THSD4: variants seen among roughly 807,000 people sequenced by gnomAD.
The protein encoded by THSD4 is thrombospondin type-1 domain-containing protein 4.
A neutral mutation model predicts 119.0 loss-of-function variants in THSD4; 69 were observed. That is an observed-to-expected ratio of 0.58 (90% CI 0.48 to 0.71). The LOEUF is 0.71. Ranked by LOEUF, THSD4 falls within the 30% of genes least tolerant of loss-of-function variation. The pLI is 0.00. For missense variants in THSD4, 1,393 were observed against 1,391.1 expected, an observed-to-expected ratio of 1.00 and a Z score of -0.02; for synonymous variants, 524 against 540.4, an observed-to-expected ratio of 0.97 and a Z score of 0.42.
At position 71,687,883 on chromosome 15, in the gene THSD4, CTGTT is replaced by C. The variant is rs908438170; in HGVS notation, c.1357+27154_1357+27157del. On this transcript the variant is annotated intron_variant, in intron 8 of 17. Coordinates refer to ENST00000261862, the MANE Select transcript of THSD4 (RefSeq NM_024817.3). ...AAAGTATGCCAATATGCAAATTAAC[CTGTT>C]TGTTCATTTTTTCTCATTTATTCAT... Among the ~76,000 whole-genome samples the C allele has an allele frequency of 7.2e-5, 11 of 152,162 alleles. No homozygotes were observed. In the East Asian group the frequency reaches 7.7e-4, roughly 11 times the overall value.
chr15:71,444,875 CTAAAATA>C (rs1176082184), intron 7 of THSD4, among the ~76,000 whole-genome samples: 4 of 152,164 alleles, frequency 2.6e-5, no homozygotes, highest in Admixed American at 1.3e-4. Context: ...CAGAGGGATT[CTAAAATA>C]TAAATTATTC....
At chr15:71,316,728 G>A (rs1407814116) in intron 6 of THSD4, among the ~76,000 whole-genome samples, 2 of 152,216 alleles carry the variant, frequency 1.3e-5, no homozygotes, top group Admixed American at 6.5e-5. Context: ...GAAAGGCTGG[G>A]CCCCCAACAA....
At chr15:71,584,601 C>CT (rs1279315072) in intron 7 of THSD4, among the ~76,000 whole-genome samples, 1 of 152,050 alleles carries the variant, frequency 6.6e-6, no homozygotes, top group African/African-American at 2.4e-5. Context: ...AGTGTTTATC[C>CT]TTAAAGCTAA....
chr15:71,626,825 C>T (rs150424833), intron 7 of THSD4, among the ~76,000 whole-genome samples: 155 of 152,278 alleles, frequency 1.0e-3, no homozygotes, highest in African/African-American at 1.3e-3. Context: ...CTGTTCTTAT[C>T]TAGCTCTGGA....
intron 6 of THSD4, among the ~76,000 whole-genome samples, chr15:71,364,595 T>G (rs931089771): frequency 6.6e-6 from 1 of 152,214 alleles, no homozygotes; most frequent in African/African-American, 2.4e-5. Flanking sequence ...TCAAGAGGGC[T>G]TCATAGACGA....
chr15:71,141,751 A>G (rs1205469420), intron 2 of THSD4, among the ~76,000 whole-genome samples, 195 bp downstream of exon 2: 2 of 152,126 alleles, frequency 1.3e-5, no homozygotes, highest in African/African-American at 4.8e-5. Context: ...TGCTGTGCTG[A>G]GTGGCTTGGG....
rs1283217302 is a variant in THSD4 at position 71,438,762 on chromosome 15, A to T, written c.1152+26939A>T. 2.6e-5 allele frequency among the ~76,000 whole-genome samples: 4 copies of T among 152,220 alleles called. No homozygotes were observed. In the East Asian group the frequency reaches 5.8e-4, roughly 22 times the overall value. Reference sequence around the variant, plus strand: ...ACATTTCGAAAAAGAAGCAGAACACACAGGTGTTTGAAGTGATGAAAGGTA... The same window carrying T: ...ACATTTCGAAAAAGAAGCAGAACACTCAGGTGTTTGAAGTGATGAAAGGTA... On this transcript the variant is annotated intron_variant, in intron 7 of 17. Transcript: ENST00000261862.
At chr15:71,437,615 C>T (rs942764259) in intron 7 of THSD4, among the ~76,000 whole-genome samples, 4 of 152,130 alleles carry the variant, frequency 2.6e-5, no homozygotes, top group Non-Finnish European at 5.9e-5. Context: ...TTACTTCAGT[C>T]CAGCATGTTA....
chr15:71,720,570 G>C (rs753580818), intron 8 of THSD4, among the ~76,000 whole-genome samples: 2 of 152,214 alleles, frequency 1.3e-5, no homozygotes, highest in Non-Finnish European at 2.9e-5. Flanking sequence ...CTAAATTTCA[G>C]TTGGAGGTTA....
intron 7 of THSD4, among the ~76,000 whole-genome samples, chr15:71,423,342 C>T (rs891892291): frequency 2.6e-5 from 4 of 152,188 alleles, no homozygotes; most frequent in African/African-American, 9.7e-5. Flanking sequence ...ACCCAAGGCC[C>T]ATGACATGTA....
chr15:71,716,787 C>G (rs146260666), intron 8 of THSD4, among the ~76,000 whole-genome samples: 1 of 152,102 alleles, frequency 6.6e-6, no homozygotes, highest in South Asian at 2.1e-4. Flanking sequence ...GGGCATCCCC[C>G]CTTGCAGTAT....
intron 6 of THSD4, among the ~76,000 whole-genome samples, chr15:71,282,966 ATTTTTTT>A (rs573742429): frequency 6.1e-5 from 8 of 131,018 alleles, no homozygotes; most frequent in Non-Finnish European, 1.1e-4. Flanking sequence ...GGCAGGTTAG[ATTTTTTT>A]TTTTTTTTTT....
chr15:71,726,801 G>A (rs1325491799), intron 8 of THSD4, among the ~76,000 whole-genome samples: 5 of 152,156 alleles, frequency 3.3e-5, no homozygotes, highest in African/African-American at 1.2e-4. Flanking sequence ...GCAGAGCATG[G>A]TGGTGAATGC....
At chr15:71,653,030 C>T (rs536097728) in intron 7 of THSD4, among the ~76,000 whole-genome samples, 40 of 152,260 alleles carry the variant, frequency 2.6e-4, no homozygotes, top group African/African-American at 9.4e-4. Context: ...CCAGAAGGGA[C>T]CTTAGAGATG....
At chr15:71,268,183 A>G (rs2044485149) in intron 6 of THSD4, among the ~76,000 whole-genome samples, 1 of 152,208 alleles carries the variant, frequency 6.6e-6, no homozygotes, top group Non-Finnish European at 1.5e-5. Context: ...CATCGGACCT[A>G]TTTTAAAGTT....
intron 7 of THSD4, among the ~76,000 whole-genome samples, chr15:71,591,698 A>G (rs1020022052): frequency 5.3e-5 from 8 of 151,282 alleles, no homozygotes; most frequent in Non-Finnish European, 8.8e-5. Context: ...CAACCAGCCT[A>G]TTTGTGGGAG....
chr15:71,676,050 T>C (rs1377408191), intron 8 of THSD4, among the ~76,000 whole-genome samples: 1 of 152,228 alleles, frequency 6.6e-6, no homozygotes, highest in African/African-American at 2.4e-5. Context: ...GTTATTATCT[T>C]AGTCACTAGA....
chr15:71,446,146 CCT>C (rs2047178290), intron 7 of THSD4, among the ~76,000 whole-genome samples: 2 of 152,204 alleles, frequency 1.3e-5, no homozygotes, highest in African/African-American at 4.8e-5. Flanking sequence ...CTTTCCATCC[CCT>C]GACTCTATCC....
chr15:71,294,728 C>T (rs975093936), intron 6 of THSD4, among the ~76,000 whole-genome samples: 2 of 152,116 alleles, frequency 1.3e-5, no homozygotes, highest in Non-Finnish European at 2.9e-5. Flanking sequence ...GATTACCAAA[C>T]ATTCCTCTTA....
Sources: allele counts gnomAD v4.1 joint callset (sites outside exome capture counted in the v4.1 genomes callset), GRCh38; gene constraint gnomAD v4.1.1; transcripts MANE v1.5; gene names NCBI Gene and HGNC (gene_info 2026-07-23, HGNC 2026-07-21).